IGF1: variants seen among roughly 807,000 people sequenced by gnomAD.
IGF1 encodes the protein insulin-like growth factor 1.
Under a neutral mutation model 13.8 loss-of-function variants are expected in IGF1, and 4 were observed. That is an observed-to-expected ratio of 0.29 (90% CI 0.14 to 0.66). The LOEUF (loss-of-function observed/expected upper bound fraction) is 0.66. Among genes scored for constraint, IGF1 ranks in the 30% least tolerant of loss-of-function variants. The pLI is 0.78. For synonymous variants in IGF1, 76 were observed against 72.6 expected (o/e 1.05, Z -0.23); for missense variants, 124 against 188.5 (o/e 0.66, Z 2.00).
rs1388110365 is a variant in IGF1 at position 102,401,821 on chromosome 12, T to G, written c.*686A>C. 1 of 152,672 alleles carries G rather than the reference T, an allele frequency of 6.5e-6. No homozygotes were observed. Among genetic ancestry groups the G allele is most frequent in the African/African-American group, 2.4e-5 (1 of 41,466 alleles). The allele number at this position is 152,672 out of a possible 1,614,324, so 9.5% of individuals were successfully genotyped here. On this transcript the variant is annotated 3_prime_UTR_variant, in exon 4 of 4. Transcript: ENST00000337514. ...AAATGATTGGCCTCAAAGTTGCAAC[T>G]ATTTGCATTATTCTTTTTTGTAAGC...
At chr12:102,454,806 A>G (rs762301620) in intron 2 of IGF1, among the ~76,000 whole-genome samples, 7 of 152,216 alleles carry the variant, frequency 4.6e-5, no homozygotes, top group Non-Finnish European at 7.3e-5. Flanking sequence ...CAGGGATGAG[A>G]GGGAAGAAGA....
intron 3 of IGF1, chr12:102,418,024 A>ATT: frequency 3.7e-6 from 6 of 1,602,264 alleles, no homozygotes; most frequent in Non-Finnish European, 5.1e-6. Context: ...CACAAAAATA[A>ATT]TTGCATTGAG....
intron 2 of IGF1, among the ~76,000 whole-genome samples, chr12:102,471,210 T>G (rs1457537337): frequency 6.6e-6 from 1 of 152,220 alleles, no homozygotes; most frequent in African/African-American, 2.4e-5. Context: ...AGAGACTAAA[T>G]GTTATTTGGT....
intron 2 of IGF1, among the ~76,000 whole-genome samples, chr12:102,433,193 CCTT>C (rs1428907348): frequency 3.3e-5 from 5 of 152,314 alleles, no homozygotes; most frequent in African/African-American, 7.2e-5. Flanking sequence ...ACACTCCTGT[CCTT>C]CTTTCACCAC....
upstream of IGF1, chr12:102,480,715 T>C: frequency 1.6e-6 from 1 of 629,290 alleles, no homozygotes; most frequent in Non-Finnish European, 2.4e-6. Flanking sequence ...AATAACATCA[T>C]ACCTTTGCAT....
At chr12:102,424,928 AG>A (rs1436936031) in intron 2 of IGF1, among the ~76,000 whole-genome samples, 1 of 152,224 alleles carries the variant, frequency 6.6e-6, no homozygotes, top group Non-Finnish European at 1.5e-5. Flanking sequence ...CTTGAATTAA[AG>A]CAATTATTGA....
intron 2 of IGF1, among the ~76,000 whole-genome samples, chr12:102,447,757 A>T (rs1020636167): frequency 6.6e-6 from 1 of 152,162 alleles, no homozygotes; most frequent in Non-Finnish European, 1.5e-5. Context: ...CTTACATCTT[A>T]TACAAAAATT....
intron 3 of IGF1, among the ~76,000 whole-genome samples, chr12:102,409,670 C>T (rs952275474): frequency 1.3e-5 from 2 of 152,030 alleles, no homozygotes; most frequent in East Asian, 1.9e-4. Context: ...CTATCTATCT[C>T]GGGTTTGGAT....
intron 3 of IGF1, among the ~76,000 whole-genome samples, chr12:102,410,439 T>C (rs1202363787): frequency 2.0e-5 from 3 of 152,182 alleles, no homozygotes; most frequent in Non-Finnish European, 4.4e-5. Flanking sequence ...GGTTCAAATG[T>C]GGTATTTTAA....
intron 2 of IGF1, among the ~76,000 whole-genome samples, chr12:102,473,910 A>G (rs147393377): frequency 5.4e-4 from 82 of 152,312 alleles, no homozygotes; most frequent in Non-Finnish European, 9.3e-4. Context: ...TCCAGTTTTC[A>G]TGCACTGTGC....
chr12:102,424,017 T>C (rs1016396370), intron 2 of IGF1, among the ~76,000 whole-genome samples: 9 of 152,208 alleles, frequency 5.9e-5, no homozygotes, highest in South Asian at 2.1e-4. Flanking sequence ...AAACTTCCCA[T>C]CTTGCTTCTT....
intron 2 of IGF1, among the ~76,000 whole-genome samples, chr12:102,466,351 C>CG (rs1469049636): frequency 2.0e-5 from 3 of 152,098 alleles, no homozygotes; most frequent in African/African-American, 7.2e-5. Flanking sequence ...AATCTCGACT[C>CG]GGGGGTGATT....
intron 2 of IGF1, among the ~76,000 whole-genome samples, chr12:102,422,280 A>G (rs574444225): frequency 1.3e-5 from 2 of 152,328 alleles, no homozygotes; most frequent in East Asian, 1.9e-4. Flanking sequence ...CGATTTTGCC[A>G]TAAATATAAT....
At chr12:102,415,670 T>G (rs1343935606) in intron 3 of IGF1, 1 of 148,352 alleles carries the variant, frequency 6.7e-6, no homozygotes, top group Non-Finnish European at 1.5e-5. Context: ...TTGAATGAAA[T>G]TTATGATTGG....
At chr12:102,453,061 T>A (rs966770696) in intron 2 of IGF1, among the ~76,000 whole-genome samples, 1 of 152,222 alleles carries the variant, frequency 6.6e-6, no homozygotes, top group African/African-American at 2.4e-5. Context: ...TTTATCAGAA[T>A]GAAAGGAGTC....
At chr12:102,460,637 C>T (rs1230688470) in intron 2 of IGF1, among the ~76,000 whole-genome samples, 1 of 152,192 alleles carries the variant, frequency 6.6e-6, no homozygotes, top group African/African-American at 2.4e-5. Flanking sequence ...ACAATAATCT[C>T]CATATCCGTC....
At chr12:102,454,580 T>C (rs1225674011) in intron 2 of IGF1, among the ~76,000 whole-genome samples, 5 of 152,236 alleles carry the variant, frequency 3.3e-5, no homozygotes, top group African/African-American at 7.2e-5. Flanking sequence ...AGCCAGGGCA[T>C]GACACTCTCC....
chr12:102,438,990 A>AT (rs2137082934), intron 2 of IGF1, among the ~76,000 whole-genome samples: 1 of 152,318 alleles, frequency 6.6e-6, no homozygotes, highest in South Asian at 2.1e-4. Context: ...GTCCTCCCCC[A>AT]TACCCATTGG....
At chr12:102,477,778 G>A (rs1201404836) in intron 1 of IGF1, among the ~76,000 whole-genome samples, 1 of 151,950 alleles carries the variant, frequency 6.6e-6, no homozygotes, top group Non-Finnish European at 1.5e-5. Flanking sequence ...AATGCTGAAG[G>A]CTAAGCACCT....
Sources: gnomAD v4.1 joint callset for allele counts (sites outside exome capture counted in the v4.1 genomes callset) on GRCh38, gnomAD v4.1.1 for gene constraint, MANE v1.5 for transcripts, NCBI Gene and HGNC (gene_info 2026-07-23, HGNC 2026-07-21) for gene names.